TAFA1: variants seen among roughly 807,000 people sequenced by gnomAD.
TAFA1 encodes the protein TAFA chemokine like family member 1, also known as chemokine-like protein TAFA-1.
In TAFA1, 4 loss-of-function variants were observed where a neutral mutation model predicts 18.5. That is an observed-to-expected ratio of 0.22 (90% CI 0.11 to 0.49). The LOEUF (loss-of-function observed/expected upper bound fraction) is 0.49. TAFA1 is among the 20% of genes least tolerant of loss of function. The probability of loss-of-function intolerance (pLI) is 0.98; values close to 1 mark genes in which losing one functional copy is unlikely to be tolerated. For synonymous variants in TAFA1, 56 were observed against 55.2 expected (o/e 1.01, Z -0.06); for missense variants, 147 against 169.0 (o/e 0.87, Z 0.72).
chr3:68,420,108 T>C (rs1426823676), intron 3 of TAFA1, among the ~76,000 whole-genome samples: 2 of 152,206 alleles, frequency 1.3e-5, no homozygotes, highest in Non-Finnish European at 2.9e-5. Flanking sequence ...TTTGACTCAG[T>C]TTCTGTGTCT....
At chr3:68,513,468 A>AAATATCC (rs2072878701) in intron 3 of TAFA1, among the ~76,000 whole-genome samples, 1 of 152,224 alleles carries the variant, frequency 6.6e-6, no homozygotes, top group Non-Finnish European at 1.5e-5. Flanking sequence ...ATTTAAATTT[A>AAATATCC]AATATCCACA....
intron 2 of TAFA1, among the ~76,000 whole-genome samples, chr3:68,053,483 C>T (rs1271401734): frequency 1.3e-5 from 2 of 152,090 alleles, no homozygotes; most frequent in East Asian, 3.9e-4. Flanking sequence ...CTACTAGATA[C>T]TCTCTTTACA....
chr3:68,405,062 G>C (rs28637059), intron 2 of TAFA1, among the ~76,000 whole-genome samples: 1 of 152,090 alleles, frequency 6.6e-6, no homozygotes, highest in Non-Finnish European at 1.5e-5. Context: ...TCATAAAATA[G>C]TTATGGTTTA....
At chr3:68,038,759 A>G (rs945982331) in intron 2 of TAFA1, among the ~76,000 whole-genome samples, 19 of 152,302 alleles carry the variant, frequency 1.2e-4, no homozygotes, top group African/African-American at 4.6e-4. Flanking sequence ...CAACAACCCT[A>G]GTTTCTTAGA....
intron 2 of TAFA1, among the ~76,000 whole-genome samples, chr3:68,092,029 T>A (rs2065035765): frequency 6.6e-6 from 1 of 152,144 alleles, no homozygotes; most frequent in Admixed American, 6.5e-5. Flanking sequence ...CAAAGCAATG[T>A]CCCATTTCCT....
At chr3:68,166,400 C>T (rs1303477193) in intron 2 of TAFA1, among the ~76,000 whole-genome samples, 3 of 152,042 alleles carry the variant, frequency 2.0e-5, no homozygotes, top group Non-Finnish European at 2.9e-5. Context: ...TATTATCATG[C>T]GTTTGAGGCT....
At chr3:68,271,000 T>G (rs1008314749) in intron 2 of TAFA1, among the ~76,000 whole-genome samples, 1 of 152,090 alleles carries the variant, frequency 6.6e-6, no homozygotes, top group African/African-American at 2.4e-5. Context: ...AGAAACCCAA[T>G]CTAAACTGCT....
intron 3 of TAFA1, among the ~76,000 whole-genome samples, chr3:68,431,746 C>T (rs534515140): frequency 6.6e-6 from 1 of 151,960 alleles, no homozygotes; most frequent in Admixed American, 6.6e-5. Context: ...CACGTTGTAG[C>T]AGGATGAGTC....
Position 68,184,298 on chromosome 3 carries a change from C to T in TAFA1, c.118+177554C>T, listed in dbSNP as rs73834879. Reference sequence around the variant, plus strand: ...ATCACCTCCACAAGTTACATGACAGCGATTTCAAAGCATTCTAAGTCCTAC... The same window carrying T: ...ATCACCTCCACAAGTTACATGACAGTGATTTCAAAGCATTCTAAGTCCTAC... On this transcript the variant is annotated intron_variant, in intron 2 of 4. Transcript: ENST00000478136. Among the ~76,000 whole-genome samples the T allele has an allele frequency of 3.9e-5, 6 of 152,044 alleles. No homozygotes were observed. The South Asian group carries it at 1.0e-3, about 26-fold the overall frequency.
chr3:68,032,745 A>C (rs1704963205), intron 2 of TAFA1, among the ~76,000 whole-genome samples: 1 of 152,106 alleles, frequency 6.6e-6, no homozygotes, highest in Non-Finnish European at 1.5e-5. Flanking sequence ...TTGTACAGAA[A>C]TCAGTTCCTC....
chr3:68,494,218 C>T (rs547739609), intron 3 of TAFA1, among the ~76,000 whole-genome samples: 5 of 152,196 alleles, frequency 3.3e-5, no homozygotes, highest in Non-Finnish European at 5.9e-5. Flanking sequence ...TCTCCTGCCT[C>T]AGCCTCCCGA....
chr3:68,418,452 G>C (rs1223929400), intron 3 of TAFA1, among the ~76,000 whole-genome samples: 1 of 53,016 alleles, frequency 1.9e-5, no homozygotes. Context: ...CACTTCTTTT[G>C]TGGTGGAATA....
upstream of TAFA1, among the ~76,000 whole-genome samples, chr3:68,002,161 T>C (rs1345150646): frequency 1.3e-5 from 2 of 152,218 alleles, no homozygotes; most frequent in Non-Finnish European, 2.9e-5. Context: ...AAGATCAATA[T>C]ATGTTGATTC....
intron 2 of TAFA1, among the ~76,000 whole-genome samples, chr3:68,271,752 G>T (rs555188574): frequency 6.6e-6 from 1 of 151,766 alleles, no homozygotes; most frequent in South Asian, 2.1e-4. Flanking sequence ...ACATCCACCT[G>T]TATTTCATCT....
At chr3:68,428,900 A>G (rs1403576580) in intron 3 of TAFA1, among the ~76,000 whole-genome samples, 1 of 151,962 alleles carries the variant, frequency 6.6e-6, no homozygotes, top group Non-Finnish European at 1.5e-5. Context: ...TTTATGCCAG[A>G]TGCCTCTTCT....
intron 2 of TAFA1, among the ~76,000 whole-genome samples, chr3:68,204,814 G>A (rs565117033): frequency 7.2e-5 from 11 of 151,894 alleles, no homozygotes; most frequent in South Asian, 4.1e-4. Flanking sequence ...GTCATCCAGC[G>A]AGTTAATGAC....
chr3:68,052,784 T>C (rs529153703), intron 2 of TAFA1, among the ~76,000 whole-genome samples: 1 of 152,302 alleles, frequency 6.6e-6, no homozygotes, highest in Admixed American at 6.5e-5. Flanking sequence ...AAGGATAATT[T>C]TCAAAAAGGT....
intron 3 of TAFA1, among the ~76,000 whole-genome samples, chr3:68,480,867 A>G (rs1038797725): frequency 6.6e-6 from 1 of 152,168 alleles, no homozygotes; most frequent in Non-Finnish European, 1.5e-5. Flanking sequence ...TAATTGAATT[A>G]TAGGGGCAGT....
intron 2 of TAFA1, among the ~76,000 whole-genome samples, chr3:68,394,575 A>C (rs1298673805): frequency 6.6e-6 from 1 of 152,198 alleles, no homozygotes; most frequent in Non-Finnish European, 1.5e-5. Flanking sequence ...TACAGTAACC[A>C]AAACAGCATG....
Sources: allele counts gnomAD v4.1 joint callset (sites outside exome capture counted in the v4.1 genomes callset), GRCh38; gene constraint gnomAD v4.1.1; transcripts MANE v1.5; gene names NCBI Gene and HGNC (gene_info 2026-07-23, HGNC 2026-07-21).